The following FIRRM variants were observed in gnomAD, a reference collection of about 807,000 sequenced individuals.
The protein encoded by FIRRM is FIGNL1 interacting regulator of recombination and mitosis.
the FIRRM span, chr1:169,829,323 A>G: frequency 6.8e-6 from 11 of 1,613,356 alleles, no homozygotes; most frequent in Middle Eastern, 1.6e-4. Context: ...AACTCTCTCT[A>G]CCTGTTCATT....
chr1:169,789,222 C>T, the FIRRM span, among the ~76,000 whole-genome samples: 2 of 152,214 alleles, frequency 1.3e-5, no homozygotes. Context: ...GGCAAAGACT[C>T]AAGTTCATGG....
the FIRRM span, chr1:169,795,450 A>G: frequency 4.6e-6 from 6 of 1,313,864 alleles, no homozygotes; most frequent in African/African-American, 9.0e-5. Flanking sequence ...TTCTGACCCA[A>G]GGTTTTAGCA....
chr1:169,842,487 CT>C, the FIRRM span: 3 of 1,613,836 alleles, frequency 1.9e-6, no homozygotes, highest in Non-Finnish European at 2.5e-6. Flanking sequence ...GGAAAACAAA[CT>C]GCAATTATCG....
At chr1:169,830,182 T>C in the FIRRM span, 1 of 1,265,728 alleles carries the variant, frequency 7.9e-7, no homozygotes, top group South Asian at 1.4e-5. Flanking sequence ...TTTCTTGTTT[T>C]ATTTTGAGAA....
At chr1:169,822,510 A>ATTTTTTTTTTTT in the FIRRM span, among the ~76,000 whole-genome samples, 2 of 151,890 alleles carry the variant, frequency 1.3e-5, no homozygotes, top group African/African-American at 2.4e-5. Flanking sequence ...CTATTTATTA[A>ATTTTTTTTTTTT]TTTTTTTGAG....
the FIRRM span, chr1:169,830,436 T>A: frequency 9.0e-7 from 1 of 1,116,722 alleles, no homozygotes; most frequent in Non-Finnish European, 1.3e-6. Flanking sequence ...AAAAACTGTT[T>A]CAATAATCCT....
the FIRRM span, chr1:169,804,196 A>G: frequency 1.3e-4 from 211 of 1,590,908 alleles, 2 homozygotes; most frequent in East Asian, 4.3e-3. Context: ...GTTTGCATGG[A>G]CCCTTTAGTA....
chr1:169,802,966 A>G, the FIRRM span, among the ~76,000 whole-genome samples: 3 of 152,232 alleles, frequency 2.0e-5, no homozygotes, highest in Non-Finnish European at 4.4e-5. Flanking sequence ...AACACCTGCC[A>G]TGTGTTTTGA....
the FIRRM span, chr1:169,853,070 C>T: frequency 7.4e-7 from 1 of 1,355,458 alleles, no homozygotes; most frequent in Non-Finnish European, 1.0e-6. Flanking sequence ...AGATATAAAA[C>T]AAATTTTGTA....
the FIRRM span, chr1:169,829,468 G>A: frequency 3.8e-6 from 6 of 1,584,684 alleles, no homozygotes; most frequent in South Asian, 4.7e-5. Context: ...ATTACTTACT[G>A]TGCTAAGCTA....
chr1:169,820,539 C>G, the FIRRM span, among the ~76,000 whole-genome samples: 1 of 152,148 alleles, frequency 6.6e-6, no homozygotes, highest in Non-Finnish European at 1.5e-5. Context: ...GATCTCTAAC[C>G]CCCTAAATCT....
At chr1:169,814,710 T>G in the FIRRM span, among the ~76,000 whole-genome samples, 1 of 152,232 alleles carries the variant, frequency 6.6e-6, no homozygotes, top group Non-Finnish European at 1.5e-5. Flanking sequence ...GATAGATGAT[T>G]CTTCTTGTAA....
At chr1:169,826,208 G>T in the FIRRM span, 1 of 172,352 alleles carries the variant, frequency 5.8e-6, no homozygotes. Flanking sequence ...AAGTAGCTGG[G>T]ATTACAGGCA....
At chr1:169,822,968 A>T in the FIRRM span, among the ~76,000 whole-genome samples, 1 of 151,716 alleles carries the variant, frequency 6.6e-6, no homozygotes, top group Non-Finnish European at 1.5e-5. Flanking sequence ...ATTTTTTTTT[A>T]GTGCTGGGTG....
At chr1:169,797,644 A>C in the FIRRM span, among the ~76,000 whole-genome samples, 1 of 152,244 alleles carries the variant, frequency 6.6e-6, no homozygotes, top group African/African-American at 2.4e-5. Context: ...AGCCAGGTTC[A>C]AGTGATTCTC....
the FIRRM span, chr1:169,793,313 T>C: frequency 1.9e-6 from 3 of 1,614,006 alleles, no homozygotes; most frequent in Admixed American, 5.0e-5. Context: ...TACTGATAAC[T>C]TAACATGCTG....
the FIRRM span, chr1:169,793,688 A>C: frequency 6.3e-7 from 1 of 1,585,224 alleles, no homozygotes; most frequent in African/African-American, 1.4e-5. Flanking sequence ...ATTAAACTGA[A>C]AGGTCATCCT....
At chr1:169,793,382 A>G in the FIRRM span, 1 of 1,614,094 alleles carries the variant, frequency 6.2e-7, no homozygotes, top group African/African-American at 1.3e-5. Context: ...ATCTTTAGGC[A>G]TAGCATGCTC....
At chr1:169,842,358 C>T in the FIRRM span, 17,367 of 1,548,552 alleles carry the variant, frequency 0.011, 145 homozygotes, top group Non-Finnish European at 0.013. Context: ...TAAGTCGGCT[C>T]TTGGTGGTGC....
Sources: allele counts gnomAD v4.1 joint callset (sites outside exome capture counted in the v4.1 genomes callset), GRCh38; gene constraint gnomAD v4.1.1; transcripts MANE v1.5; gene names NCBI Gene and HGNC (gene_info 2026-07-23, HGNC 2026-07-21).